The following PDIA2 variants were observed in gnomAD, a reference collection of about 807,000 sequenced individuals.
PDIA2 encodes protein disulfide-isomerase A2.
Under a neutral mutation model 51.1 loss-of-function variants are expected in PDIA2, and 76 were observed. The ratio of observed to expected loss-of-function variants is 1.49; its 90% CI spans 1.24 to 1.80. PDIA2 has a LOEUF of 1.80. Ranked by LOEUF, PDIA2 falls within the 40% of genes most tolerant of loss-of-function variation. The pLI is 0.00. For missense variants in PDIA2, 946 were observed against 706.5 expected, an observed-to-expected ratio of 1.34 and a Z score of -3.84; for synonymous variants, 429 against 309.9, an observed-to-expected ratio of 1.38 and a Z score of -4.04.
rs777791865 is a variant in PDIA2, at chr16:287,090, A to G, written c.1555A>G (p.Met519Val). The G allele has an allele frequency of 3.7e-6, 6 of 1,612,612 alleles. No individual in the cohort carries two copies. The highest frequency in any genetic ancestry group is 5.1e-6 in the Non-Finnish European group (6 of 1,179,962). The change falls in exon 11 of 11, where the codon ATG becomes GTG. Residue 519 changes from methionine (M) to valine (V), a missense_variant. Coordinates refer to ENST00000219406, the MANE Select transcript of PDIA2 (RefSeq NM_006849.4). ...CTAGGAGCCACCGGCCAACTCCACT[A>G]TGGGGTCCAAGGAGGAACTGTAGCT... ...PFPEPPANST[M>V]GSKEEL
At chr16:286,000 TCCCAAC>T (rs1239160602) in intron 7 of PDIA2, among the ~76,000 whole-genome samples, 9 of 42,304 alleles carry the variant, frequency 2.1e-4, no homozygotes, top group South Asian at 7.9e-4. Flanking sequence ...CCCGCGGTTC[TCCCAAC>T]CCCAACCCCG....
At chr16:285,846 C>A in intron 7 of PDIA2, 143 bp downstream of exon 7, 2 of 992,726 alleles carry the variant, frequency 2.0e-6, no homozygotes, top group Non-Finnish European at 2.9e-6. Flanking sequence ...TTCTCCCAAC[C>A]CGGCGGTTCT....
Position 286,380 on chromosome 16 carries a change from C to A in PDIA2, c.1147C>A (p.Pro383Thr). The A allele has an allele frequency of 4.3e-6, 7 of 1,610,796 alleles. No individual in the cohort carries two copies. The highest frequency in any genetic ancestry group is 5.9e-6 in the Non-Finnish European group (7 of 1,179,346). ...KPYLLSQEIP[P>T]DWDQRPVKTL... ...CTATCTCCTGAGCCAGGAGATACCC[C>A]CTGATTGGGATCAGCGGCCAGTTAA... is the stretch of plus-strand genomic sequence containing the variant. Residue 383 changes from proline (P) to threonine (T), a missense_variant, in exon 8 of 11, where the codon CCT becomes ACT. Transcript: ENST00000219406.
At chr16:285,285 G>C in intron 5 of PDIA2, 27 bp from the exon 6 acceptor site, 2 of 1,612,326 alleles carry the variant, frequency 1.2e-6, no homozygotes, top group Non-Finnish European at 1.7e-6. Flanking sequence ...GGGTCCTGTG[G>C]AGTCATGAGC....
At position 285,551 on chromosome 16, in the gene PDIA2, C is replaced by T. The variant is rs763986879; in HGVS notation, c.967C>T (p.Leu323=). Residue 323 remains leucine (L), a synonymous_variant, in exon 7 of 11, where the codon CTG becomes TTG. Transcript: ENST00000219406. Reference sequence around the variant, plus strand: ...CGTGGCGGCCGACAATGAGCACGTGCTGCAGTACTTTGGACTCAAGGCTGA... The same window carrying T: ...CGTGGCGGCCGACAATGAGCACGTGTTGCAGTACTTTGGACTCAAGGCTGA... ...VDVAADNEHV[L]QYFGLKAEAA... The T allele has an allele frequency of 6.2e-6, 10 of 1,613,128 alleles. No homozygotes were observed. In the Middle Eastern group the frequency reaches 1.3e-3, roughly 213 times the overall value.
At position 284,187 on chromosome 16, in the gene PDIA2, T is replaced by C. The variant is rs112032963; in HGVS notation, c.200-200T>C. ...CTGGCTGTGGGGGGAGGGGGGGTGG[T>C]CTTTCAAGCTCTCCCAAGCCTTACT... On this transcript the variant is annotated intron_variant, in intron 1 of 10. Coordinates refer to ENST00000219406, the MANE Select transcript of PDIA2 (RefSeq NM_006849.4). 4.3e-5 allele frequency: 26 copies of C among 611,674 alleles called. 1 individual carries two copies. Among genetic ancestry groups the C allele is most frequent in the African/African-American group, 3.7e-4 (20 of 54,328 alleles). 37.9% of individuals were successfully genotyped at this position (611,674 alleles called of 1,614,324 possible).
intron 7 of PDIA2, among the ~76,000 whole-genome samples, chr16:285,914 C>CCCCAAA (rs1199468707): frequency 8.8e-6 from 1 of 113,938 alleles, no homozygotes; most frequent in Admixed American, 8.8e-5. Context: ...CCAACCCCAA[C>CCCCAAA]CCCGCGGTTC....
chr16:284,771 A>G lies in PDIA2; in HGVS notation c.519A>G (p.Leu173=), dbSNP rs1415884282. 9 of 1,568,072 alleles carry G rather than the reference A, an allele frequency of 5.7e-6. No individual in the cohort carries two copies. The highest frequency in any genetic ancestry group is 6.9e-6 in the Non-Finnish European group (8 of 1,161,318). The change falls in exon 3 of 11, where the codon CTA becomes CTG. Residue 173 remains leucine, a synonymous_variant. Coordinates refer to ENST00000219406, the MANE Select transcript of PDIA2 (RefSeq NM_006849.4). The part of the protein sequence containing the change: ...AAQALIGGRD[L]VVIGFFQDLQ... ...AGGCGCTGATCGGTGGCCGGGACCT[A>G]GTGGTCATTGGCTTCTTCCAGGTGA...
intron 10 of PDIA2, 23 bp from the exon 11 acceptor site, chr16:287,046 G>C: frequency 6.2e-7 from 1 of 1,612,764 alleles, no homozygotes; most frequent in Non-Finnish European, 8.5e-7. Context: ...AGAGCTTCGA[G>C]CTGCACTTGT....
At position 285,030 on chromosome 16, in the gene PDIA2, G is replaced by T; in HGVS notation, c.678+15G>T. 6.2e-7 allele frequency: 1 copy of T among 1,613,310 alleles called. No individual in the cohort carries two copies. Among genetic ancestry groups the T allele is most frequent in the Non-Finnish European group, 8.5e-7 (1 of 1,180,010 alleles). On this transcript the variant is annotated intron_variant, in intron 4 of 10. Transcript: ENST00000219406. ...TCTTCAAGAAGGTAGGTCAGGCCCA[G>T]GTGTGGGTTGGGGTCCGGCTGCAGC...
chr16:285,257 T>C, intron 5 of PDIA2, 55 bp from the exon 6 acceptor site: 2 of 1,611,912 alleles, frequency 1.2e-6, no homozygotes, highest in Non-Finnish European at 1.7e-6. Flanking sequence ...CGTCCAGGGA[T>C]GGGGGTGCCT....
At position 283,288 on chromosome 16, in the gene PDIA2, A is replaced by T; in HGVS notation, c.119A>T (p.Lys40Met). The T allele has an allele frequency of 1.2e-6, 2 of 1,610,262 alleles. No individual in the cohort carries two copies. The highest frequency in any genetic ancestry group is 1.7e-6 in the Non-Finnish European group (2 of 1,179,040). The change falls in exon 1 of 11, where the codon AAG becomes ATG. Residue 40 changes from lysine (K) to methionine (M), a missense_variant. Transcript: ENST00000219406. ...SEEPPEEEIP[K>M]EDGILVLSRH... is the part of the protein sequence containing the mutation. The stretch of plus-strand genomic sequence containing the variant: ...GAGCCTCCAGAGGAGGAAATCCCCA[A>T]GGAGGATGGGATCTTGGTGCTGAGC...
In PDIA2 at chr16:286,913, G is replaced by A. The variant is rs752407010; in HGVS notation, c.1501G>A (p.Glu501Lys). The stretch of plus-strand genomic sequence containing the variant: ...CAACGGGGGCGTGCTGCCCACGGAG[G>A]AGCCCCCGGAGGAGCCAGCAGCCCC... ...LDNGGVLPTE[E>K]PPEEPAAPFP... The change falls in exon 10 of 11, where the codon GAG (glutamate) becomes AAG (lysine). Residue 501 changes from glutamate (E) to lysine (K), a missense_variant. By Grantham distance (56) the Glu-to-Lys change is moderately conservative. Transcript: ENST00000219406. 5 of 1,600,154 alleles carry A rather than the reference G, an allele frequency of 3.1e-6. No homozygotes were observed. The highest frequency in any genetic ancestry group is 1.1e-5 in the South Asian group (1 of 89,788).
In PDIA2 at chr16:283,231, G is replaced by C; in HGVS notation, c.62G>C (p.Gly21Ala). 6.2e-7 allele frequency: 1 copy of C among 1,610,164 alleles called. No individual in the cohort carries two copies. The highest frequency in any genetic ancestry group is 8.5e-7 in the Non-Finnish European group (1 of 1,178,922). ...CTGCTCAGGGCTTCGTGCCCATGGG[G>C]TCAGGAACAGGGAGCGAGGAGCCCC... ...LLLLRASCPW[G>A]QEQGARSPSE... Residue 21 changes from glycine to alanine, a missense_variant, in exon 1 of 11, where the codon GGT becomes GCT. By Grantham distance (60) the Gly-to-Ala change is moderately conservative (BLOSUM62 0). Coordinates refer to ENST00000219406, the MANE Select transcript of PDIA2 (RefSeq NM_006849.4).
At chr16:286,115 T>TTCTCCCTCCCCCCACC (rs1567251149) in intron 7 of PDIA2, among the ~76,000 whole-genome samples, 7 of 10,864 alleles carry the variant, frequency 6.4e-4, no homozygotes, top group African/African-American at 2.1e-3. Flanking sequence ...CTCCCCCCAC[T>TTCTCCCTCCCCCCACC]AAACCCCACA....
Position 284,494 on chromosome 16 carries a change from C to A in PDIA2, c.307C>A (p.Pro103Thr). Residue 103 changes from proline to threonine, a missense_variant, in exon 2 of 11, where the codon CCC (proline) becomes ACC (threonine). Physicochemically the swap from Pro to Thr is conservative, Grantham distance 38. Transcript: ENST00000219406. ...MVVTLAKVDG[P>T]AQRELAEEFG... ...GGTCACGCTGGCCAAGGTGGATGGG[C>A]CCGCGCAGCGCGAGCTGGCTGAGGA... The A allele has an allele frequency of 6.2e-7, 1 of 1,609,956 alleles. No homozygotes were observed.
At chr16:285,864 C>G (rs946541347) in intron 7 of PDIA2, among the ~76,000 whole-genome samples, 161 bp downstream of exon 7, 6 of 150,426 alleles carry the variant, frequency 4.0e-5, no homozygotes, top group Non-Finnish European at 7.4e-5. Flanking sequence ...TCTCCCAACC[C>G]CAACCCGGCG....
Position 283,193 on chromosome 16 carries a change from A to ACTG in PDIA2, c.39_41dup (p.Leu14dup), listed in dbSNP as rs564559094. On this transcript the variant is annotated inframe_insertion, in exon 1 of 11. Transcript: ENST00000219406. ...CCATGAGCCGCCAGCTTCTGCCTGT[A>ACTG]CTGCTGCTGCTGCTGCTCAGGGCTT... The ACTG allele has an allele frequency of 3.1e-3, 4,871 of 1,592,786 alleles. 6 individuals carry two copies. The highest frequency in any genetic ancestry group is 3.6e-3 in the Non-Finnish European group (4,270 of 1,169,952).
In PDIA2 at chr16:284,547, C is replaced by G. The variant is rs1297797947; in HGVS notation, c.360C>G (p.Leu120=). 1.7e-5 allele frequency: 28 copies of G among 1,612,778 alleles called. No individual in the cohort carries two copies. The highest frequency in any genetic ancestry group is 2.2e-5 in the Non-Finnish European group (26 of 1,179,764). Residue 120 remains leucine (L), a synonymous_variant, in exon 2 of 11, where the codon CTC becomes CTG. Coordinates refer to ENST00000219406, the MANE Select transcript of PDIA2 (RefSeq NM_006849.4). The part of the protein sequence containing the change: ...EEFGVTEYPT[L]KFFRNGNRTH... ...TTGGTGTGACGGAGTACCCTACGCTCAAGTTCTTCCGCAATGGGAACCGCA... is the reference window on the plus strand; with the variant it reads ...TTGGTGTGACGGAGTACCCTACGCTGAAGTTCTTCCGCAATGGGAACCGCA...
Sources: allele counts gnomAD v4.1 joint callset (sites outside exome capture counted in the v4.1 genomes callset), GRCh38; gene constraint gnomAD v4.1.1; transcripts MANE v1.5; gene names NCBI Gene and HGNC (gene_info 2026-07-23, HGNC 2026-07-21).